The following SLC24A3 variants were observed in gnomAD, a reference collection of about 807,000 sequenced individuals.
SLC24A3 encodes sodium/potassium/calcium exchanger 3.
In SLC24A3, 28 loss-of-function variants were observed where a neutral mutation model predicts 75.8. The ratio of observed to expected loss-of-function variants is 0.37; its 90% CI spans 0.27 to 0.51. The LOEUF (loss-of-function observed/expected upper bound fraction) is 0.51. SLC24A3 is among the 20% of genes least tolerant of loss of function. The pLI is 0.94. For missense variants in SLC24A3, 663 were observed against 847.8 expected (o/e 0.78, Z 2.71); for synonymous variants, 372 against 334.1 (o/e 1.11, Z -1.24).
Position 19,666,514 on chromosome 20 carries a change from C to CA in SLC24A3, c.713+635dup, listed in dbSNP as rs1164494652. The stretch of plus-strand genomic sequence containing the variant: ...CAGTGAGACTCCATCCCCCACCCCC[C>CA]AAAAAAAAAATTGTGTCCAAACCAA... On this transcript the variant is annotated intron_variant, in intron 8 of 16. Transcript: ENST00000328041. Among the ~76,000 whole-genome samples, 132 of 149,528 alleles carry CA rather than the reference C, an allele frequency of 8.8e-4. 1 individual carries two copies. Among genetic ancestry groups the CA allele is most frequent in the African/African-American group, 3.2e-3 (130 of 40,794 alleles).
At chr20:19,320,067 G>A (rs552255727) in intron 2 of SLC24A3, among the ~76,000 whole-genome samples, 1 of 152,252 alleles carries the variant, frequency 6.6e-6, no homozygotes, top group East Asian at 1.9e-4. Flanking sequence ...CTCTAATTAC[G>A]TTTGCTTGAA....
intron 6 of SLC24A3, among the ~76,000 whole-genome samples, chr20:19,646,841 C>CTCTGTGTGTG (rs2032143550): frequency 6.9e-6 from 1 of 144,584 alleles, no homozygotes; most frequent in African/African-American, 2.5e-5. Context: ...TTACAAAACT[C>CTCTGTGTGTG]TGTGTGTGTG....
At chr20:19,524,401 T>C (rs1048247909) in intron 3 of SLC24A3, among the ~76,000 whole-genome samples, 2 of 152,236 alleles carry the variant, frequency 1.3e-5, no homozygotes, top group African/African-American at 4.8e-5. Flanking sequence ...TTGGTTAATG[T>C]CTTGAGGCTG....
chr20:19,711,555 C>A (rs114940466), intron 15 of SLC24A3, among the ~76,000 whole-genome samples: 1 of 152,190 alleles, frequency 6.6e-6, no homozygotes, highest in African/African-American at 2.4e-5. Context: ...TGCAAACATG[C>A]AGGCAAACGC....
chr20:19,536,964 G>A (rs569669646), intron 3 of SLC24A3, among the ~76,000 whole-genome samples: 2 of 152,272 alleles, frequency 1.3e-5, no homozygotes, highest in South Asian at 2.1e-4. Context: ...ACACAGGCAT[G>A]GGCAATGACT....
intron 3 of SLC24A3, among the ~76,000 whole-genome samples, chr20:19,521,735 G>A (rs1455692013): frequency 1.3e-5 from 2 of 152,092 alleles, no homozygotes; most frequent in African/African-American, 2.4e-5. Context: ...TTATTTCCCT[G>A]GGTGCACTCC....
intron 2 of SLC24A3, among the ~76,000 whole-genome samples, chr20:19,317,820 G>T (rs117093212): frequency 0.022 from 3,401 of 152,300 alleles, 48 homozygotes; most frequent in Non-Finnish European, 0.035. Flanking sequence ...TTTACATAAA[G>T]GTGCCCTCGG....
chr20:19,226,844 T>A (rs994549967), intron 1 of SLC24A3, among the ~76,000 whole-genome samples: 1 of 152,252 alleles, frequency 6.6e-6, no homozygotes, highest in South Asian at 2.1e-4. Flanking sequence ...TCTTAACTAT[T>A]ACATCGTATC....
At chr20:19,308,954 C>T (rs1052257267) in intron 2 of SLC24A3, among the ~76,000 whole-genome samples, 1 of 152,154 alleles carries the variant, frequency 6.6e-6, no homozygotes, top group Non-Finnish European at 1.5e-5. Flanking sequence ...AAATTTAATA[C>T]GTTCTTGTCT....
At chr20:19,503,742 G>C (rs189213485) in intron 2 of SLC24A3, among the ~76,000 whole-genome samples, 73 of 152,274 alleles carry the variant, frequency 4.8e-4, no homozygotes, top group African/African-American at 1.7e-3. Context: ...TCCTACAACA[G>C]CTACGCATAT....
At chr20:19,315,713 G>A (rs1216606603) in intron 2 of SLC24A3, among the ~76,000 whole-genome samples, 1 of 152,212 alleles carries the variant, frequency 6.6e-6, no homozygotes, top group African/African-American at 2.4e-5. Flanking sequence ...TCTTCTGGTA[G>A]GAGGGTCATC....
At chr20:19,570,902 G>T (rs1318629380) in intron 3 of SLC24A3, among the ~76,000 whole-genome samples, 1 of 152,146 alleles carries the variant, frequency 6.6e-6, no homozygotes, top group East Asian at 1.9e-4. Flanking sequence ...GCTCTTTGGA[G>T]GATAGAGGGG....
At chr20:19,327,546 T>A (rs933068010) in intron 2 of SLC24A3, among the ~76,000 whole-genome samples, 1 of 152,186 alleles carries the variant, frequency 6.6e-6, no homozygotes, top group Admixed American at 6.5e-5. Flanking sequence ...TTGTACAAGG[T>A]CTCCACATCT....
chr20:19,435,051 A>C (rs557606091), intron 2 of SLC24A3, among the ~76,000 whole-genome samples: 1 of 152,212 alleles, frequency 6.6e-6, no homozygotes, highest in Non-Finnish European at 1.5e-5. Flanking sequence ...ATACTTGTTG[A>C]TCAACTGATC....
At chr20:19,555,123 C>A (rs983039122) in intron 3 of SLC24A3, among the ~76,000 whole-genome samples, 27 of 152,300 alleles carry the variant, frequency 1.8e-4, no homozygotes, top group African/African-American at 6.5e-4. Context: ...AATAATGAAT[C>A]TTCAAATAGA....
intron 6 of SLC24A3, among the ~76,000 whole-genome samples, chr20:19,639,916 C>G (rs1315916561): frequency 6.6e-6 from 1 of 152,370 alleles, no homozygotes; most frequent in African/African-American, 2.4e-5. Context: ...GCCGGCTGGC[C>G]GGCTGCTCCG....
Position 19,585,052 on chromosome 20 carries a change from A to G in SLC24A3, c.505A>G (p.Ile169Val). ...GGCCCCAGAGCTGTTCACATCGGTC[A>G]TAGGTAGGTGACAGACTGAGGGACA... ...SSAPELFTSV[I>V]GVFITKGDVG... The change falls in exon 5 of 17, where the codon ATA (isoleucine) becomes GTA (valine). Residue 169 changes from isoleucine to valine, a missense_variant. Ile to Val is a conservative substitution (Grantham distance 29). Transcript: ENST00000328041. The G allele has an allele frequency of 6.2e-7, 1 of 1,612,616 alleles. No individual in the cohort carries two copies.
intron 2 of SLC24A3, among the ~76,000 whole-genome samples, chr20:19,409,833 A>G (rs1165575488): frequency 1.4e-5 from 2 of 145,248 alleles, no homozygotes; most frequent in Non-Finnish European, 3.0e-5. Context: ...TATATATAAT[A>G]TGTGTGTGTG....
At chr20:19,259,831 T>C (rs758732061) in intron 1 of SLC24A3, among the ~76,000 whole-genome samples, 3 of 152,232 alleles carry the variant, frequency 2.0e-5, no homozygotes, top group Non-Finnish European at 4.4e-5. Flanking sequence ...CTATTTATAG[T>C]TTTTTCCCCC....
Sources: gnomAD v4.1 joint callset for allele counts (sites outside exome capture counted in the v4.1 genomes callset) on GRCh38, gnomAD v4.1.1 for gene constraint, MANE v1.5 for transcripts, NCBI Gene and HGNC (gene_info 2026-07-23, HGNC 2026-07-21) for gene names.